The following SLIT2 variants were observed in gnomAD, a reference collection of about 807,000 sequenced individuals.
SLIT2 encodes slit guidance ligand 2.
Under a neutral mutation model 185.7 loss-of-function variants are expected in SLIT2, and 41 were observed. The observed-to-expected ratio is 0.22, with a 90% CI of 0.17 to 0.29. The LOEUF (loss-of-function observed/expected upper bound fraction) is 0.29. Among genes scored for constraint, SLIT2 ranks in the 10% least tolerant of loss-of-function variants. SLIT2 has a pLI of 1.00. For missense variants in SLIT2, 1,571 were observed against 1,909.0 expected (o/e 0.82, Z 3.30); for synonymous variants, 693 against 680.2 (o/e 1.02, Z -0.29).
rs201948154 is a variant in SLIT2 at position 20,280,443 on chromosome 4, C to CT, written c.395+11570dup. Among the ~76,000 whole-genome samples the CT allele has an allele frequency of 8.0e-4, 121 of 151,392 alleles. 2 individuals are homozygous for CT. In the South Asian group the frequency reaches 0.021, roughly 26 times the overall value. On this transcript the variant is annotated intron_variant, in intron 4 of 36. Transcript: ENST00000504154. ...TGCAGTTGCTGAGCAAAGATACTGG[C>CT]TTTTTTTTGAGGATCAGTTTCTGTG...
chr4:20,327,334 T>C (rs1438743911), intron 4 of SLIT2, among the ~76,000 whole-genome samples: 1 of 152,046 alleles, frequency 6.6e-6, no homozygotes, highest in Non-Finnish European at 1.5e-5. Context: ...TTTAGTTCAG[T>C]TATAAAATCA....
At chr4:20,511,354 A>G (rs1041447033) in intron 11 of SLIT2, among the ~76,000 whole-genome samples, 20 of 150,728 alleles carry the variant, frequency 1.3e-4, no homozygotes, top group African/African-American at 4.9e-4. Flanking sequence ...TGTATATTTT[A>G]TAGTTTGATC....
intron 16 of SLIT2, among the ~76,000 whole-genome samples, chr4:20,530,563 A>G (rs1358086722): frequency 4.6e-5 from 7 of 152,180 alleles, no homozygotes; most frequent in African/African-American, 1.4e-4. Context: ...GGTTACAGGC[A>G]TGAGACACTG....
chr4:20,570,637 C>G (rs564466745), intron 29 of SLIT2, among the ~76,000 whole-genome samples: 82 of 149,972 alleles, frequency 5.5e-4, no homozygotes, highest in African/African-American at 1.9e-3. Flanking sequence ...TTAAACCAAG[C>G]CACTGTCACT....
At chr4:20,402,914 T>G (rs1326854574) in intron 4 of SLIT2, among the ~76,000 whole-genome samples, 6 of 151,750 alleles carry the variant, frequency 4.0e-5, no homozygotes, top group Non-Finnish European at 7.4e-5. Flanking sequence ...ATACTGCTAT[T>G]AAAAAAATAA....
At chr4:20,402,921 ATAAG>A (rs1314048347) in intron 4 of SLIT2, among the ~76,000 whole-genome samples, 2 of 151,866 alleles carry the variant, frequency 1.3e-5, no homozygotes, top group African/African-American at 2.4e-5. Context: ...TATTAAAAAA[ATAAG>A]TAATACTATT....
intron 12 of SLIT2, among the ~76,000 whole-genome samples, chr4:20,520,552 G>A (rs1270635398): frequency 2.0e-5 from 3 of 151,924 alleles, no homozygotes; most frequent in Non-Finnish European, 4.4e-5. Flanking sequence ...ATTTGGTAAC[G>A]ATTTATTCCT....
chr4:20,409,551 T>TA (rs1438265671), intron 4 of SLIT2, among the ~76,000 whole-genome samples: 1 of 152,230 alleles, frequency 6.6e-6, no homozygotes, highest in African/African-American at 2.4e-5. Flanking sequence ...TGTATCTTTA[T>TA]AATAGAATGA....
chr4:20,288,289 C>G (rs1354935842), intron 4 of SLIT2, among the ~76,000 whole-genome samples: 1 of 152,214 alleles, frequency 6.6e-6, no homozygotes. Context: ...CTGGGTTCCT[C>G]ACCTGTGGAT....
At chr4:20,398,916 A>G (rs1161044831) in intron 4 of SLIT2, among the ~76,000 whole-genome samples, 1 of 151,804 alleles carries the variant, frequency 6.6e-6, no homozygotes, top group African/African-American at 2.4e-5. Flanking sequence ...TCATGCAGTT[A>G]TACTTCAAAT....
At chr4:20,366,235 T>C (rs902228447) in intron 4 of SLIT2, among the ~76,000 whole-genome samples, 1 of 152,100 alleles carries the variant, frequency 6.6e-6, no homozygotes, top group Admixed American at 6.6e-5. Context: ...TCTATATCCC[T>C]CTATTTTGCT....
intron 19 of SLIT2, 127 bp downstream of exon 19, chr4:20,539,711 CT>C: frequency 1.9e-6 from 1 of 527,884 alleles, no homozygotes; most frequent in Non-Finnish European, 3.0e-6. Context: ...AAAGGACAAA[CT>C]TGTTCACATC....
chr4:20,289,038 G>A (rs1715550749), intron 4 of SLIT2, among the ~76,000 whole-genome samples: 1 of 150,234 alleles, frequency 6.7e-6, no homozygotes, highest in Non-Finnish European at 1.5e-5. Flanking sequence ...CTAGACTTTT[G>A]CATGGTTGTG....
chr4:20,376,609 C>T (rs1015244880), intron 4 of SLIT2, among the ~76,000 whole-genome samples: 3 of 151,928 alleles, frequency 2.0e-5, no homozygotes, highest in African/African-American at 7.3e-5. Flanking sequence ...CCTTTTAGCC[C>T]CTGCAAGAGA....
At chr4:20,610,331 G>A (rs1729116023) in intron 34 of SLIT2, among the ~76,000 whole-genome samples, 164 bp downstream of exon 34, 1 of 152,128 alleles carries the variant, frequency 6.6e-6, no homozygotes, top group African/African-American at 2.4e-5. Flanking sequence ...ATCTCTAGGT[G>A]GGTGTTAAGG....
At chr4:20,361,881 ATGAGTTTC>A (rs1316581134) in intron 4 of SLIT2, among the ~76,000 whole-genome samples, 5 of 152,108 alleles carry the variant, frequency 3.3e-5, no homozygotes, top group African/African-American at 1.2e-4. Context: ...GTACAGCCCA[ATGAGTTTC>A]TGTAAATATG....
At chr4:20,258,103 C>T (rs1166304461) in intron 3 of SLIT2, among the ~76,000 whole-genome samples, 164 bp downstream of exon 3, 3 of 151,704 alleles carry the variant, frequency 2.0e-5, no homozygotes, top group Admixed American at 6.6e-5. Context: ...AAATAGAGTT[C>T]CTGAATAAAA....
chr4:20,253,861 G>T lies in SLIT2; in HGVS notation c.46G>T (p.Val16Leu). The T allele has an allele frequency of 6.2e-7, 1 of 1,600,680 alleles. No homozygotes were observed. Among genetic ancestry groups the T allele is most frequent in the Non-Finnish European group, 8.5e-7 (1 of 1,179,916 alleles). ...GATGCTGTCCCTGTCGCTGGGGTTAGTGCTGGCGATCCTGAACAAGGTGGC... is the reference window on the plus strand; with the variant it reads ...GATGCTGTCCCTGTCGCTGGGGTTATTGCTGGCGATCCTGAACAAGGTGGC... ...WQMLSLSLGL[V>L]LAILNKVAPQ... The change falls in exon 1 of 37, where the codon GTG (valine) becomes TTG (leucine). Residue 16 changes from valine (V) to leucine (L), a missense_variant. Val to Leu is a conservative substitution (Grantham distance 32). Coordinates refer to ENST00000504154, the MANE Select transcript of SLIT2 (RefSeq NM_004787.4).
intron 4 of SLIT2, among the ~76,000 whole-genome samples, chr4:20,313,951 T>A (rs1329427964): frequency 1.3e-5 from 2 of 152,210 alleles, no homozygotes; most frequent in African/African-American, 4.8e-5. Context: ...AGTCATGTTC[T>A]TATAGCTATT....
Sources: allele counts gnomAD v4.1 joint callset (sites outside exome capture counted in the v4.1 genomes callset), GRCh38; gene constraint gnomAD v4.1.1; transcripts MANE v1.5; gene names NCBI Gene and HGNC (gene_info 2026-07-23, HGNC 2026-07-21).